The following LTBP1 variants were observed in gnomAD, a reference collection of about 807,000 sequenced individuals.
LTBP1 encodes the protein latent-transforming growth factor beta-binding protein 1.
A neutral mutation model predicts 207.6 loss-of-function variants in LTBP1; 129 were observed. The ratio of observed to expected loss-of-function variants is 0.62; its 90% CI spans 0.54 to 0.72. The LOEUF (loss-of-function observed/expected upper bound fraction) is 0.72. Among genes scored for constraint, LTBP1 ranks in the 30% least tolerant of loss-of-function variants. The pLI is 0.00. For missense variants in LTBP1, 2,281 were observed against 2,217.2 expected (o/e 1.03, Z -0.58); for synonymous variants, 963 against 833.7 (o/e 1.16, Z -2.67).
At chr2:33,098,008 A>AT (rs1302609788) in intron 3 of LTBP1, among the ~76,000 whole-genome samples, 3 of 152,112 alleles carry the variant, frequency 2.0e-5, no homozygotes, top group Admixed American at 2.0e-4. Context: ...TCAGTTTTTG[A>AT]TTTAACTTTT....
At chr2:33,248,894 G>A (rs1054891035) in intron 10 of LTBP1, among the ~76,000 whole-genome samples, 8 of 152,076 alleles carry the variant, frequency 5.3e-5, no homozygotes, top group African/African-American at 1.9e-4. Flanking sequence ...GCCATGAAAT[G>A]GTTTTTAATG....
chr2:33,194,206 C>T (rs1474314346), intron 7 of LTBP1, among the ~76,000 whole-genome samples: 2 of 151,956 alleles, frequency 1.3e-5, no homozygotes, highest in Admixed American at 6.6e-5. Flanking sequence ...AGGGTGGTCT[C>T]GATCTCCTGA....
At chr2:33,121,494 G>A (rs2150393869) in intron 4 of LTBP1, among the ~76,000 whole-genome samples, 1 of 152,138 alleles carries the variant, frequency 6.6e-6, no homozygotes, top group Admixed American at 6.5e-5. Flanking sequence ...AACGAGGCCT[G>A]GAAGCACAGG....
intron 2 of LTBP1, among the ~76,000 whole-genome samples, chr2:32,983,261 C>A (rs190364323): frequency 6.6e-6 from 1 of 152,172 alleles, no homozygotes; most frequent in Non-Finnish European, 1.5e-5. Flanking sequence ...ATTGTAGGCC[C>A]TTTGTTTTGG....
At chr2:33,139,002 G>A (rs1364568152) in intron 5 of LTBP1, among the ~76,000 whole-genome samples, 2 of 150,808 alleles carry the variant, frequency 1.3e-5, no homozygotes, top group Non-Finnish European at 3.0e-5. Context: ...GGGACTACAG[G>A]CGCCCGCTAC....
intron 5 of LTBP1, among the ~76,000 whole-genome samples, chr2:33,174,528 C>T (rs1221331026): frequency 1.3e-5 from 2 of 151,710 alleles, no homozygotes; most frequent in Non-Finnish European, 3.0e-5. Flanking sequence ...AATGGAAGAA[C>T]ATTCCATGCT....
intron 2 of LTBP1, among the ~76,000 whole-genome samples, chr2:33,020,447 A>C (rs2075111126): frequency 6.6e-6 from 1 of 152,222 alleles, no homozygotes; most frequent in African/African-American, 2.4e-5. Flanking sequence ...ACTTTAAAAT[A>C]ATGGCAGAGC....
intron 5 of LTBP1, among the ~76,000 whole-genome samples, chr2:33,154,900 T>C (rs1369070787): frequency 6.6e-6 from 1 of 151,992 alleles, no homozygotes; most frequent in East Asian, 1.9e-4. Context: ...CCATCTCTAC[T>C]AAAAATACAA....
At chr2:33,080,342 T>C (rs910729666) in intron 3 of LTBP1, among the ~76,000 whole-genome samples, 1 of 152,194 alleles carries the variant, frequency 6.6e-6, no homozygotes, top group African/African-American at 2.4e-5. Flanking sequence ...CCACATGTTT[T>C]AAACTAGAAC....
At chr2:33,395,046 A>G (rs984447190) in intron 32 of LTBP1, among the ~76,000 whole-genome samples, 1 of 152,294 alleles carries the variant, frequency 6.6e-6, no homozygotes, top group African/African-American at 2.4e-5. Context: ...TATATGTACC[A>G]TATTTTCTTT....
At chr2:33,028,821 A>G (rs953158831) in intron 3 of LTBP1, among the ~76,000 whole-genome samples, 2 of 152,126 alleles carry the variant, frequency 1.3e-5, no homozygotes, top group Non-Finnish European at 2.9e-5. Flanking sequence ...TGCTCCTTGC[A>G]CTTAGAATGG....
chr2:33,030,929 AT>A (rs1310036775), intron 3 of LTBP1, among the ~76,000 whole-genome samples: 24 of 152,008 alleles, frequency 1.6e-4, no homozygotes, highest in Non-Finnish European at 2.8e-4. Context: ...AGTCCTTCAT[AT>A]TTTTTATGTG....
intron 5 of LTBP1, among the ~76,000 whole-genome samples, chr2:33,159,390 T>C (rs879631541): frequency 6.6e-6 from 1 of 152,228 alleles, no homozygotes; most frequent in Non-Finnish European, 1.5e-5. Flanking sequence ...CAAAAAGCTG[T>C]CACCTCTTAC....
In LTBP1 at chr2:33,001,539, T is replaced by A. The variant is rs1450987004; in HGVS notation, c.566-19370T>A. 7.4e-5 allele frequency among the ~76,000 whole-genome samples: 10 copies of A among 134,956 alleles called. 1 individual carries two copies. Among genetic ancestry groups the A allele is most frequent in the African/African-American group, 2.3e-4 (9 of 38,712 alleles). The allele number at this position is 134,956 out of a possible 152,430, so 88.5% of individuals were successfully genotyped here. ...AGGTGTTTTCTCACTGAGTAGTTCC[T>A]CCTTTGGTGTTAAAATATATGAGGA... On this transcript the variant is annotated intron_variant, in intron 2 of 33. Transcript: ENST00000404816.
At position 33,007,846 on chromosome 2, in the gene LTBP1, A is replaced by G. The variant is rs75166847; in HGVS notation, c.566-13063A>G. 6.4e-3 allele frequency among the ~76,000 whole-genome samples: 971 copies of G among 152,346 alleles called. 11 individuals carry two copies. The highest frequency in any genetic ancestry group is 0.022 in the African/African-American group (897 of 41,568). On this transcript the variant is annotated intron_variant, in intron 2 of 33. Transcript: ENST00000404816. ...TTTGCATGTATTAATTAATCTACAT[A>G]TAAGCGCTCTTTGTATTATTTCCAT... is the stretch of plus-strand genomic sequence containing the variant.
At chr2:32,974,836 C>T (rs114545447) in intron 2 of LTBP1, among the ~76,000 whole-genome samples, 83 of 152,252 alleles carry the variant, frequency 5.5e-4, no homozygotes, top group African/African-American at 1.9e-3. Flanking sequence ...TATCCGACTT[C>T]GTACTCTGTG....
At chr2:33,325,825 A>G (rs2094419258) in intron 24 of LTBP1, among the ~76,000 whole-genome samples, 1 of 152,146 alleles carries the variant, frequency 6.6e-6, no homozygotes, top group African/African-American at 2.4e-5. Context: ...AGTAAACTGT[A>G]ATTCTTTACC....
rs369915109 is a variant in LTBP1, at chr2:33,255,436, G to A, written c.2168-1848G>A. Reference sequence around the variant, plus strand: ...GAAGTCAGTGTGGCGATTCCTCAGGGATCTAGAACTAGAAATACCATTTGA... The same window carrying A: ...GAAGTCAGTGTGGCGATTCCTCAGGAATCTAGAACTAGAAATACCATTTGA... On this transcript the variant is annotated intron_variant, in intron 11 of 33. Coordinates refer to ENST00000404816, the MANE Select transcript of LTBP1 (RefSeq NM_206943.4). Among the ~76,000 whole-genome samples the A allele has an allele frequency of 5.8e-3, 886 of 152,118 alleles. 4 individuals are homozygous for A. Among genetic ancestry groups the A allele is most frequent in the African/African-American group, 0.021 (857 of 41,472 alleles).
chr2:33,292,206 G>T (rs1473295145), intron 19 of LTBP1, among the ~76,000 whole-genome samples: 1 of 152,042 alleles, frequency 6.6e-6, no homozygotes, highest in Non-Finnish European at 1.5e-5. Flanking sequence ...ATGTAGTAGG[G>T]ACTTAATATT....
Sources: gnomAD v4.1 joint callset for allele counts (sites outside exome capture counted in the v4.1 genomes callset) on GRCh38, gnomAD v4.1.1 for gene constraint, MANE v1.5 for transcripts, NCBI Gene and HGNC (gene_info 2026-07-23, HGNC 2026-07-21) for gene names.